The following ADCY3 variants were observed in gnomAD, a reference collection of about 807,000 sequenced individuals.
ADCY3 encodes the protein adenylate cyclase 3.
In ADCY3, 70 loss-of-function variants were observed where a neutral mutation model predicts 119.4. That is an observed-to-expected ratio of 0.59 (90% CI 0.48 to 0.72). The LOEUF (loss-of-function observed/expected upper bound fraction) is 0.72. Among genes scored for constraint, ADCY3 ranks in the 30% least tolerant of loss-of-function variants. ADCY3 has a pLI of 0.00. For synonymous variants in ADCY3, 672 were observed against 621.4 expected, an observed-to-expected ratio of 1.08 and a Z score of -1.21; for missense variants, 1,238 against 1,541.6, an observed-to-expected ratio of 0.80 and a Z score of 3.30.
intron 7 of ADCY3, 83 bp downstream of exon 7, chr2:24,839,790 C>A (rs575955362): frequency 1.4e-5 from 23 of 1,589,752 alleles, no homozygotes; most frequent in Middle Eastern, 3.6e-4. Context: ...CCCCCTGTCC[C>A]TCATCAGGGT....
chr2:24,905,901 C>T (rs1290794866), intron 2 of ADCY3, among the ~76,000 whole-genome samples: 2 of 152,224 alleles, frequency 1.3e-5, no homozygotes, highest in African/African-American at 4.8e-5. Context: ...AGTCGAATGA[C>T]TGTGACGCCA....
intron 2 of ADCY3, among the ~76,000 whole-genome samples, chr2:24,906,252 A>G (rs1679431896): frequency 6.6e-6 from 1 of 151,994 alleles, no homozygotes; most frequent in Non-Finnish European, 1.5e-5. Context: ...GGTTTCAGTG[A>G]GCTGAGATGA....
In ADCY3 at chr2:24,918,661, G is replaced by A. The variant is rs147964025; in HGVS notation, c.327C>T (p.Ala109=). 1.8e-4 allele frequency: 287 copies of A among 1,614,092 alleles called. 1 individual carries two copies. In the African/African-American group the frequency reaches 3.3e-3, roughly 19 times the overall value. The part of the protein sequence containing the change: ...VFSSDKLASL[A]VAGIGLVLDI... ...CCAACACCAGTCCAATTCCAGCCAC[G>A]GCGAGGGAAGCCAGCTTGTCGCTGG... Residue 109 remains alanine, a synonymous_variant, in exon 2 of 22, where the codon GCC becomes GCT. Coordinates refer to ENST00000679454, the MANE Select transcript of ADCY3 (RefSeq NM_004036.5). This position sits in a 1 kb window ranked among gnomAD's most constrained non-coding sequence, Gnocchi z 5.4.
At chr2:24,840,183 G>A (rs898431912) in intron 6 of ADCY3, 152 bp from the exon 7 acceptor site, 16 of 1,080,632 alleles carry the variant, frequency 1.5e-5, no homozygotes, top group Non-Finnish European at 1.9e-5. Flanking sequence ...TGGGTGGGGG[G>A]TAAGGCAGGC....
intron 2 of ADCY3, among the ~76,000 whole-genome samples, chr2:24,902,032 CTCTGTGTGTG>C (rs1364189993): frequency 1.8e-4 from 22 of 122,834 alleles, no homozygotes; most frequent in African/African-American, 7.6e-4. Context: ...CACATTTTAA[CTCTGTGTGTG>C]TGTGTGTGTG....
At chr2:24,823,097 G>C in intron 18 of ADCY3, 112 bp downstream of exon 18, 1 of 1,337,650 alleles carries the variant, frequency 7.5e-7, no homozygotes, top group Non-Finnish European at 1.0e-6. Flanking sequence ...TTGCGGAAGG[G>C]GCTTATCTGG....
At chr2:24,826,203 G>GGT (rs1668595705) in intron 15 of ADCY3, 77 bp from the exon 16 acceptor site, 1 of 1,330,780 alleles carries the variant, frequency 7.5e-7, no homozygotes, top group Non-Finnish European at 1.1e-6. Flanking sequence ...CCAACTAGAT[G>GGT]GTGCTGCTTC....
chr2:24,902,875 C>A (rs1385960420), intron 2 of ADCY3, among the ~76,000 whole-genome samples: 2 of 152,076 alleles, frequency 1.3e-5, no homozygotes, highest in Non-Finnish European at 2.9e-5. Context: ...ACTAAAAACA[C>A]AAAAAATTAG....
chr2:24,852,423 G>A (rs1452143338), intron 3 of ADCY3, among the ~76,000 whole-genome samples: 2 of 152,324 alleles, frequency 1.3e-5, no homozygotes, highest in Admixed American at 1.3e-4. Context: ...AGCGGAGGAG[G>A]AGAGTGCTGC....
Position 24,841,888 on chromosome 2 carries a change from T to A in ADCY3, c.957-221A>T, listed in dbSNP as rs184100786. On this transcript the variant is annotated intron_variant, in intron 4 of 21. Transcript: ENST00000679454. The surrounding 1 kb of genome is among the most constrained non-coding windows in gnomAD (Gnocchi z 5.8). ...CTTCCCCTGCAGGCCTCCCTCCCTG[T>A]GGTGCCTGGGGACCACCCCACACTG... Among the ~76,000 whole-genome samples, 166 of 152,280 alleles carry A rather than the reference T, an allele frequency of 1.1e-3. No individual in the cohort carries two copies. The highest frequency in any genetic ancestry group is 3.9e-3 in the African/African-American group (161 of 41,558).
At position 24,820,002 on chromosome 2, in the gene ADCY3, C is replaced by G; in HGVS notation, c.3365G>C (p.Arg1122Pro). 4 of 1,612,810 alleles carry G rather than the reference C, an allele frequency of 2.5e-6. No homozygotes were observed. The highest frequency in any genetic ancestry group is 1.7e-5 in the Admixed American group (1 of 59,910). The part of the protein sequence containing the change: ...GELLTFFLKG[R>P]DKLATFPNGP... ...ATTGGGGAAGGTGGCTAGCTTATCCCGCCCCTTCAAGAAGAAGGTCAGCAG... is the reference window on the plus strand; with the variant it reads ...ATTGGGGAAGGTGGCTAGCTTATCCGGCCCCTTCAAGAAGAAGGTCAGCAG... Residue 1122 changes from arginine (R) to proline (P), a missense_variant, in exon 22 of 22, where the codon CGG becomes CCG. Transcript: ENST00000679454.
chr2:24,863,468 A>C (rs1673923855), intron 3 of ADCY3, among the ~76,000 whole-genome samples: 1 of 152,222 alleles, frequency 6.6e-6, no homozygotes, highest in South Asian at 2.1e-4. Context: ...CCTTGTGATC[A>C]TGTGAGTCAA....
intron 15 of ADCY3, among the ~76,000 whole-genome samples, chr2:24,826,924 C>T (rs539293750): frequency 1.4e-4 from 21 of 152,300 alleles, no homozygotes; most frequent in Non-Finnish European, 2.4e-4. Context: ...TTGATATTGT[C>T]AGAGTTATCT....
intron 3 of ADCY3, among the ~76,000 whole-genome samples, chr2:24,854,186 T>C (rs1255813735): frequency 2.0e-5 from 3 of 152,240 alleles, no homozygotes; most frequent in African/African-American, 7.2e-5. Flanking sequence ...GGACCCTTCC[T>C]TCACTTGAAG....
At chr2:24,828,245 G>T in intron 13 of ADCY3, 84 bp from the exon 14 acceptor site, 1 of 1,492,142 alleles carries the variant, frequency 6.7e-7, no homozygotes, top group Non-Finnish European at 9.1e-7. Context: ...GGTAGTGCAC[G>T]CTCAGCTGCC....
At chr2:24,914,832 C>T (rs1664250384) in intron 2 of ADCY3, among the ~76,000 whole-genome samples, 1 of 152,184 alleles carries the variant, frequency 6.6e-6, no homozygotes, top group African/African-American at 2.4e-5. Flanking sequence ...TCCTTATCCC[C>T]TGACCTTGCA....
intron 21 of ADCY3, 123 bp downstream of exon 21, chr2:24,820,601 G>A (rs906880832): frequency 1.1e-5 from 16 of 1,499,696 alleles, no homozygotes; most frequent in Admixed American, 6.2e-5. Context: ...CTTGCCCCAC[G>A]TCTCTGCCTC....
chr2:24,907,724 G>A (rs1031505182), intron 2 of ADCY3, among the ~76,000 whole-genome samples: 1 of 152,216 alleles, frequency 6.6e-6, no homozygotes, highest in Non-Finnish European at 1.5e-5. Context: ...ACTGGGCGCA[G>A]TAGCTCACGT....
At chr2:24,869,528 C>T (rs1674709652) in intron 3 of ADCY3, among the ~76,000 whole-genome samples, 1 of 152,288 alleles carries the variant, frequency 6.6e-6, no homozygotes, top group Admixed American at 6.5e-5. Flanking sequence ...ACCTCAGCCT[C>T]CCAAGTAGCT....
Sources: allele counts gnomAD v4.1 joint callset (sites outside exome capture counted in the v4.1 genomes callset), GRCh38; gene constraint gnomAD v4.1.1; non-coding constraint Gnocchi (gnomAD v3.1); transcripts MANE v1.5; gene names NCBI Gene and HGNC (gene_info 2026-07-23, HGNC 2026-07-21).